AQR: variants seen among roughly 807,000 people sequenced by gnomAD.
AQR encodes RNA helicase aquarius.
In AQR, 61 loss-of-function variants were observed where a neutral mutation model predicts 180.5. That is an observed-to-expected ratio of 0.34 (90% CI 0.28 to 0.42). The LOEUF (loss-of-function observed/expected upper bound fraction) is 0.42. Ranked by LOEUF, AQR falls within the 10% of genes least tolerant of loss-of-function variation. The pLI is 1.00. For missense variants in AQR, 1,281 were observed against 1,798.3 expected (o/e 0.71, Z 5.20); for synonymous variants, 551 against 588.8 (o/e 0.94, Z 0.93).
chr15:34,918,177 CA>C (rs1382163046), intron 15 of AQR, 80 bp downstream of exon 15: 2 of 1,457,680 alleles, frequency 1.4e-6, no homozygotes, highest in Non-Finnish European at 1.9e-6. Flanking sequence ...GACTCAAGTA[CA>C]CTGCCTATAA....
At chr15:34,877,059 G>A (rs751185518) in intron 27 of AQR, among the ~76,000 whole-genome samples, 2 of 151,994 alleles carry the variant, frequency 1.3e-5, no homozygotes, top group African/African-American at 2.4e-5. Flanking sequence ...TATCTTTTCC[G>A]TAGCCCAGTT....
At chr15:34,870,528 T>A (rs990249056) in intron 31 of AQR, among the ~76,000 whole-genome samples, 1 of 152,134 alleles carries the variant, frequency 6.6e-6, no homozygotes, top group African/African-American at 2.4e-5. Context: ...ACAAAAAGTT[T>A]CAGAAACATT....
chr15:34,958,250 A>G (rs1483152531), intron 3 of AQR, among the ~76,000 whole-genome samples: 1 of 151,790 alleles, frequency 6.6e-6, no homozygotes, highest in Non-Finnish European at 1.5e-5. Context: ...TGTGGTGGCT[A>G]ATTCCTATAA....
intron 17 of AQR, among the ~76,000 whole-genome samples, chr15:34,907,997 T>C (rs972296881): frequency 6.6e-6 from 1 of 152,222 alleles, no homozygotes; most frequent in Non-Finnish European, 1.5e-5. Flanking sequence ...CTAGCTGTGC[T>C]TTCTGGAGCA....
rs531118504 is a variant in AQR at position 34,969,729 on chromosome 15, G to T, written c.-116C>A. The T allele has an allele frequency of 2.1e-5, 21 of 1,024,248 alleles. No homozygotes were observed. In the East Asian group the frequency reaches 4.7e-4, roughly 23 times the overall value. The allele number at this position is 1,024,248 out of a possible 1,614,324, so 63.4% of individuals were successfully genotyped here. A position where few individuals can be genotyped will look rare whatever the true frequency, so the allele number is the denominator to read the frequency against. ...GCGCTTAACTCCGCGCCGCACAAAC[G>T]CTCCGGGCCGGATATCCTCAGCCTT... On this transcript the variant is annotated 5_prime_UTR_variant, in exon 1 of 35. Transcript: ENST00000156471.
At chr15:34,931,722 C>T (rs948365166) in intron 11 of AQR, among the ~76,000 whole-genome samples, 14 of 152,114 alleles carry the variant, frequency 9.2e-5, no homozygotes, top group African/African-American at 3.1e-4. Flanking sequence ...GCAGGAGAAT[C>T]ACTTGAACCC....
chr15:34,912,807 T>C (rs1269323662), intron 16 of AQR, among the ~76,000 whole-genome samples: 1 of 152,180 alleles, frequency 6.6e-6, no homozygotes, highest in African/African-American at 2.4e-5. Context: ...AGTTATGAAG[T>C]ACTGCAGAAT....
chr15:34,859,300 T>C (rs1892636256), intron 34 of AQR, among the ~76,000 whole-genome samples: 1 of 152,162 alleles, frequency 6.6e-6, no homozygotes, highest in South Asian at 2.1e-4. Flanking sequence ...CATGAAAAGA[T>C]GCTCATCATC....
chr15:34,910,451 TA>T, intron 16 of AQR, 138 bp from the exon 17 acceptor site: 30 of 937,456 alleles, frequency 3.2e-5, no homozygotes, highest in Non-Finnish European at 3.8e-5. Context: ...TTTCTTAACT[TA>T]AAAAAAAGAA....
intron 26 of AQR, among the ~76,000 whole-genome samples, chr15:34,884,140 C>T (rs1346693000): frequency 6.6e-6 from 1 of 152,106 alleles, no homozygotes; most frequent in Non-Finnish European, 1.5e-5. Context: ...GGTGTGGTGG[C>T]TCACACCTGT....
chr15:34,930,208 T>G, intron 12 of AQR, 50 bp downstream of exon 12: 1 of 1,147,184 alleles, frequency 8.7e-7, no homozygotes, highest in East Asian at 2.4e-5. Context: ...TAAATTGCAG[T>G]ATGATAAAAC....
intron 32 of AQR, 40 bp downstream of exon 32, chr15:34,867,484 T>A: frequency 5.2e-6 from 8 of 1,529,968 alleles, no homozygotes; most frequent in Non-Finnish European, 7.2e-6. Flanking sequence ...AAGTAGATAG[T>A]AAAGTTCAAT....
At chr15:34,874,106 G>A (rs1315438419) in intron 29 of AQR, 107 bp from the exon 30 acceptor site, 4 of 1,194,696 alleles carry the variant, frequency 3.3e-6, no homozygotes, top group Non-Finnish European at 3.3e-6. Flanking sequence ...AAATTTTCAT[G>A]TTAGCCATTT....
chr15:34,914,072 C>A (rs1893541605), intron 16 of AQR, among the ~76,000 whole-genome samples: 1 of 152,142 alleles, frequency 6.6e-6, no homozygotes, highest in African/African-American at 2.4e-5. Flanking sequence ...TGGAAGATAC[C>A]TGAATCAGTT....
chr15:34,910,028 A>G, intron 17 of AQR, 107 bp downstream of exon 17: 7 of 1,309,382 alleles, frequency 5.3e-6, no homozygotes, highest in Non-Finnish European at 7.4e-6. Flanking sequence ...ATAACGCTTA[A>G]TAAAAGCTTT....
At chr15:34,911,760 T>A (rs887326878) in intron 16 of AQR, among the ~76,000 whole-genome samples, 3 of 152,180 alleles carry the variant, frequency 2.0e-5, no homozygotes, top group Non-Finnish European at 4.4e-5. Flanking sequence ...TTTTGTTGAC[T>A]GTTTCCTTTG....
At chr15:34,887,661 T>G (rs1893083405) in intron 24 of AQR, among the ~76,000 whole-genome samples, 1 of 152,204 alleles carries the variant, frequency 6.6e-6, no homozygotes, top group African/African-American at 2.4e-5. Flanking sequence ...CATAACCCTT[T>G]AATGCTTAAA....
At position 34,884,731 on chromosome 15, in the gene AQR, T is replaced by C. The variant is rs1181128383; in HGVS notation, c.2821A>G (p.Met941Val). 2 of 1,594,920 alleles carry C rather than the reference T, an allele frequency of 1.3e-6. No individual in the cohort carries two copies. The highest frequency in any genetic ancestry group is 1.7e-6 in the Non-Finnish European group (2 of 1,174,534). ...CTGATATACTCTTCCCAGCGAGACA[T>C]TACCTGTAGAAAAAAGGACTTGAAG... ...TAGYFFLYQV[M>V]SRWEEYISKV... Residue 941 changes from methionine to valine, a missense_variant, in exon 26 of 35, where the codon ATG becomes GTG. By Grantham distance (21) the Met-to-Val change is conservative. Coordinates refer to ENST00000156471, the MANE Select transcript of AQR (RefSeq NM_014691.3).
rs908316537 is a variant in AQR at position 34,956,083 on chromosome 15, G to A, written c.174-3163C>T. Among the ~76,000 whole-genome samples the A allele has an allele frequency of 1.2e-4, 18 of 152,178 alleles. 3 individuals are homozygous for A. Among genetic ancestry groups the A allele is most frequent in the East Asian group, 5.8e-4 (3 of 5,180 alleles). ...AGCTTCTGGAACACCGACAATGTTC[G>A]TGGAGTTTTTCAGCCTAGGTGGTGG... On this transcript the variant is annotated intron_variant, in intron 3 of 34. Coordinates refer to ENST00000156471, the MANE Select transcript of AQR (RefSeq NM_014691.3).
Sources: gnomAD v4.1 joint callset for allele counts (sites outside exome capture counted in the v4.1 genomes callset) on GRCh38, gnomAD v4.1.1 for gene constraint, MANE v1.5 for transcripts, NCBI Gene and HGNC (gene_info 2026-07-23, HGNC 2026-07-21) for gene names.